Variants in INTS1 observed in about 807,000 individuals in gnomAD.
The protein encoded by INTS1 is integrator complex subunit 1.
Under a neutral mutation model 241.6 loss-of-function variants are expected in INTS1, and 137 were observed. That is an observed-to-expected ratio of 0.57 (90% CI 0.49 to 0.65). The LOEUF is 0.65. INTS1 is among the 30% of genes least tolerant of loss of function. INTS1 has a pLI of 0.00. For synonymous variants in INTS1, 1,692 were observed against 1,337.8 expected, an observed-to-expected ratio of 1.26 and a Z score of -5.78; for missense variants, 3,073 against 3,032.2, an observed-to-expected ratio of 1.01 and a Z score of -0.32.
At position 1,483,881 on chromosome 7, in the gene INTS1, G is replaced by A. The variant is rs574022980; in HGVS notation, c.3430-28C>T. On this transcript the variant is annotated intron_variant, in intron 25 of 47. Coordinates refer to ENST00000404767, the MANE Select transcript of INTS1 (RefSeq NM_001080453.3). The stretch of plus-strand genomic sequence containing the variant: ...GTGGGAAAAGAGGTGGAGTCAGGCC[G>A]TAAGGTTCAGGGACCCTGAGCCAGC... 5.6e-5 allele frequency: 89 copies of A among 1,599,858 alleles called. No homozygotes were observed. The East Asian group carries it at 1.4e-3, about 26-fold the overall frequency.
chr7:1,500,127 G>A, intron 4 of INTS1, 43 bp downstream of exon 4: 1 of 1,581,618 alleles, frequency 6.3e-7, no homozygotes, highest in Non-Finnish European at 8.6e-7. Flanking sequence ...GGGAGCCAAG[G>A]GCCCCAGCGC....
chr7:1,477,018 G>A (rs1056763802), intron 35 of INTS1, 100 bp from the exon 36 acceptor site: 27 of 1,419,464 alleles, frequency 1.9e-5, no homozygotes, highest in African/African-American at 1.8e-4. Flanking sequence ...TCAGAGAGCC[G>A]AGGCTTGGGG....
Position 1,470,302 on chromosome 7 carries a change from A to G in INTS1, c.*275T>C. 2.3e-6 allele frequency: 1 copy of G among 431,186 alleles called. No homozygotes were observed. Among genetic ancestry groups the G allele is most frequent in the Non-Finnish European group, 4.1e-6 (1 of 242,920 alleles). The allele number at this position is 431,186 out of a possible 1,614,324, so 26.7% of individuals were successfully genotyped here. A position where few individuals can be genotyped will look rare whatever the true frequency, so the allele number is the denominator to read the frequency against. ...GACAGTTCAGGTCGTTTCATTCAAA[A>G]CCAGCCCAGGCCATGCCCGGGGGGA... On this transcript the variant is annotated 3_prime_UTR_variant, in exon 48 of 48. Transcript: ENST00000404767.
intron 1 of INTS1, 41 bp from the exon 2 acceptor site, chr7:1,504,042 G>A (rs1028788290): frequency 8.7e-6 from 9 of 1,032,304 alleles, no homozygotes; most frequent in East Asian, 8.6e-5. Context: ...TCACTCATTC[G>A]CTCGTTCGCT....
chr7:1,479,812 C>G (rs1376726778), intron 30 of INTS1, 128 bp from the exon 31 acceptor site: 4 of 1,075,730 alleles, frequency 3.7e-6, no homozygotes, highest in Admixed American at 6.4e-5. Context: ...TCATTCGTAG[C>G]CCCCACCTTG....
chr7:1,474,187 G>A lies in INTS1; in HGVS notation c.5810C>T (p.Ser1937Phe). The part of the protein sequence containing the change: ...HQGALWDCLL[S>F]FIRLLLNYRK... ...ACACACCAGCAGCAGGCGGATGAAGGACAGAAGGCAGTCCCACAGCGCCCC... is the reference window on the plus strand; with the variant it reads ...ACACACCAGCAGCAGGCGGATGAAGAACAGAAGGCAGTCCCACAGCGCCCC... The change falls in exon 41 of 48, where the codon TCC becomes TTC. Residue 1937 changes from serine to phenylalanine, a missense_variant. Coordinates refer to ENST00000404767, the MANE Select transcript of INTS1 (RefSeq NM_001080453.3). 1 of 1,580,878 alleles carries A rather than the reference G, an allele frequency of 6.3e-7. No individual in the cohort carries two copies. Among genetic ancestry groups the A allele is most frequent in the African/African-American group, 1.3e-5 (1 of 74,480 alleles).
chr7:1,476,764 A>G (rs551813408), intron 36 of INTS1, 30 bp downstream of exon 36: 5 of 1,612,584 alleles, frequency 3.1e-6, no homozygotes, highest in Non-Finnish European at 3.4e-6. Flanking sequence ...GTATGCGCGC[A>G]GCCCAGGTTG....
chr7:1,503,553 A>G (rs1044352893), intron 2 of INTS1, among the ~76,000 whole-genome samples: 8 of 152,252 alleles, frequency 5.3e-5, no homozygotes, highest in African/African-American at 1.9e-4. Context: ...GGCGAGTGGC[A>G]AAGTCCGGAG....
At position 1,477,895 on chromosome 7, in the gene INTS1, C is replaced by T. The variant is rs767018793; in HGVS notation, c.4672G>A (p.Glu1558Lys). The T allele has an allele frequency of 7.4e-6, 12 of 1,612,506 alleles. No homozygotes were observed. The East Asian group carries it at 2.2e-4, about 30-fold the overall frequency. Residue 1558 changes from glutamate (E) to lysine (K), a missense_variant, in exon 34 of 48, where the codon GAG (glutamate) becomes AAG (lysine). Physicochemically the swap from Glu to Lys is moderately conservative, Grantham distance 56. Coordinates refer to ENST00000404767, the MANE Select transcript of INTS1 (RefSeq NM_001080453.3). Reference sequence around the variant, plus strand: ...GCAGAGAAGAATGCAGTCAGCAGCTCCTCCAGGTGGGGGGACCTCACCTCG... The same window carrying T: ...GCAGAGAAGAATGCAGTCAGCAGCTTCTCCAGGTGGGGGGACCTCACCTCG... ...LIEVRSPHLE[E>K]LLTAFFSATA...
At chr7:1,489,741 G>A (rs917790934) in intron 16 of INTS1, 59 bp from the exon 17 acceptor site, 35 of 1,275,502 alleles carry the variant, frequency 2.7e-5, no homozygotes, top group Admixed American at 5.5e-5. Context: ...GCCAAGGATC[G>A]GCCGGGCCAG....
At chr7:1,494,945 G>A (rs1033787687) in intron 13 of INTS1, 52 bp from the exon 14 acceptor site, 69 of 1,542,048 alleles carry the variant, frequency 4.5e-5, no homozygotes, top group Non-Finnish European at 5.0e-5. Context: ...TCAGGGACCA[G>A]CCCCGTTAGT....
rs373131639 is a variant in INTS1 at position 1,481,991 on chromosome 7, G to A, written c.3704-503C>T. Among the ~76,000 whole-genome samples the A allele has an allele frequency of 2.0e-4, 30 of 152,266 alleles. No homozygotes were observed. Among genetic ancestry groups the A allele is most frequent in the South Asian group, 1.9e-3 (9 of 4,824 alleles). ...ACTATCTTCTCTCAGTGCTCAGGGCGCTCTTGCCCCGAAGCCATCGGTGGC... is the reference window on the plus strand; with the variant it reads ...ACTATCTTCTCTCAGTGCTCAGGGCACTCTTGCCCCGAAGCCATCGGTGGC... On this transcript the variant is annotated intron_variant, in intron 27 of 47. Transcript: ENST00000404767. The surrounding 1 kb of genome is among the most constrained non-coding windows in gnomAD (Gnocchi z 6.8).
chr7:1,482,703 G>A lies in INTS1; in HGVS notation c.3546C>T (p.Asp1182=), dbSNP rs368217287. Residue 1182 remains aspartate (D), a synonymous_variant, in exon 27 of 48, where the codon GAC becomes GAT. Transcript: ENST00000404767. ...ILLTLGPPRA[D]DSEFQALLDI... is the part of the protein sequence containing the mutation. ...CCAGCAGCGCCTGGAACTCGCTGTC[G>A]TCGGCTTCAGGAAGGACAACGGGTG... 4.2e-5 allele frequency: 68 copies of A among 1,612,444 alleles called. No homozygotes were observed. The highest frequency in any genetic ancestry group is 2.6e-4 in the South Asian group (24 of 91,062).
rs1445116156 is a variant in INTS1 at position 1,487,062 on chromosome 7, G to C, written c.2686C>G (p.Gln896Glu). Residue 896 changes from glutamine to glutamate, a missense_variant, in exon 21 of 48, where the codon CAG (glutamine) becomes GAG (glutamate). Transcript: ENST00000404767. ...ACGTCCAGGGAGCCCTCGCTGGACTGTACCAGGTCCGCCAGCCAGGGCATG... is the reference window on the plus strand; with the variant it reads ...ACGTCCAGGGAGCCCTCGCTGGACTCTACCAGGTCCGCCAGCCAGGGCATG... ...QSMPWLADLV[Q>E]SSEGSLDVLP... 6.4e-7 allele frequency: 1 copy of C among 1,563,962 alleles called. No homozygotes were observed.
rs58696597 is a variant in INTS1, at chr7:1,489,345, T to TCAGGCCCTGCTCCCA, written c.2316_2317insTGGGAGCAGGGCCTG (p.Thr772_Asn773insTrpGluGlnGlyLeu). The TCAGGCCCTGCTCCCA allele has an allele frequency of 7.5e-6, 12 of 1,609,512 alleles. No homozygotes were observed. The highest frequency in any genetic ancestry group is 4.5e-5 in the East Asian group (2 of 44,750). On this transcript the variant is annotated inframe_insertion and splice_region_variant, in exon 18 of 48. Transcript: ENST00000404767. ...CGCCGAGGGGACGTGCGCACTCACT[T>TCAGGCCCTGCTCCCA]GGTCATCACCATCTCCATGAGCATC...
Position 1,499,123 on chromosome 7 carries a change from A to T in INTS1, c.989T>A (p.Leu330Gln). The change falls in exon 8 of 48, where the codon CTG (leucine) becomes CAG (glutamine). Residue 330 changes from leucine (L) to glutamine (Q), a missense_variant. Physicochemically the swap from Leu to Gln is moderately radical, Grantham distance 113. Coordinates refer to ENST00000404767, the MANE Select transcript of INTS1 (RefSeq NM_001080453.3). ...ELAESVEEYVLDMLRDQLNRR... is the reference protein window; with the variant it reads ...ELAESVEEYVQDMLRDQLNRR... The stretch of plus-strand genomic sequence containing the variant: ...GTTCAGCTGGTCCCGCAGCATGTCC[A>T]GGACATACTCCTCCACGCTCTCCGC... The T allele has an allele frequency of 6.2e-7, 1 of 1,611,658 alleles. No homozygotes were observed. Among genetic ancestry groups the T allele is most frequent in the South Asian group, 1.1e-5 (1 of 91,014 alleles).
At position 1,496,217 on chromosome 7, in the gene INTS1, C is replaced by T; in HGVS notation, c.1650G>A (p.Met550Ile). The T allele has an allele frequency of 6.2e-7, 1 of 1,613,900 alleles. No homozygotes were observed. The highest frequency in any genetic ancestry group is 8.5e-7 in the Non-Finnish European group (1 of 1,179,830). Residue 550 changes from methionine to isoleucine, a missense_variant, in exon 12 of 48, where the codon ATG (methionine) becomes ATA (isoleucine). Coordinates refer to ENST00000404767, the MANE Select transcript of INTS1 (RefSeq NM_001080453.3). Reference protein sequence around the residue: ...HITDVLAVSMMLGITAQVKEA... With the variant: ...HITDVLAVSMILGITAQVKEA... ...CCTTCACCTGCGCTGTGATGCCCAG[C>T]ATCATGGACACGGCCAGGACGTCGG...
chr7:1,474,596 GCTTT>G, intron 40 of INTS1, 105 bp downstream of exon 40: 1 of 1,404,746 alleles, frequency 7.1e-7, no homozygotes, highest in Non-Finnish European at 9.5e-7. Context: ...ATGGGAACAT[GCTTT>G]TTTTTGTTGT....
Position 1,476,622 on chromosome 7 carries a change from G to A in INTS1, c.5099C>T (p.Ala1700Val), listed in dbSNP as rs1236304131. The change falls in exon 37 of 48, where the codon GCC becomes GTC. Residue 1700 changes from alanine (A) to valine (V), a missense_variant. Physicochemically the swap from Ala to Val is moderately conservative, Grantham distance 64. Transcript: ENST00000404767. ...CCAGATGCGAGGAACATGGATGCAG[G>A]CCCAGAGGAAGTCCAGAGAGGCAGA... ...DPSASLDFLW[A>V]CIHVPRIWQG... is the part of the protein sequence containing the mutation. 3.1e-6 allele frequency: 5 copies of A among 1,612,484 alleles called. No homozygotes were observed. The highest frequency in any genetic ancestry group is 2.2e-5 in the East Asian group (1 of 44,864).
Sources: gnomAD v4.1 joint callset for allele counts (sites outside exome capture counted in the v4.1 genomes callset) on GRCh38, gnomAD v4.1.1 for gene constraint, Gnocchi (gnomAD v3.1) non-coding constraint, MANE v1.5 for transcripts, NCBI Gene and HGNC (gene_info 2026-07-23, HGNC 2026-07-21) for gene names.